Variants in NLGN1 observed in about 807,000 individuals in gnomAD.
NLGN1 encodes the protein neuroligin-1.
A neutral mutation model predicts 65.5 loss-of-function variants in NLGN1; 12 were observed. The observed-to-expected ratio is 0.18, with a 90% CI of 0.12 to 0.30. The LOEUF is 0.30. NLGN1 is among the 10% of genes least tolerant of loss of function. NLGN1 has a pLI of 1.00. For missense variants in NLGN1, 750 were observed against 1,007.1 expected, an observed-to-expected ratio of 0.74 and a Z score of 3.46; for synonymous variants, 350 against 359.5, an observed-to-expected ratio of 0.97 and a Z score of 0.30.
chr3:173,624,416 A>T (rs1560069192), intron 3 of NLGN1, among the ~76,000 whole-genome samples: 1 of 152,090 alleles, frequency 6.6e-6, no homozygotes. Flanking sequence ...AACAGTTTAA[A>T]TGCCATCTTT....
chr3:173,806,644 C>T (rs888850467), intron 3 of NLGN1, among the ~76,000 whole-genome samples: 2 of 151,888 alleles, frequency 1.3e-5, no homozygotes, highest in African/African-American at 4.8e-5. Flanking sequence ...CTATATAATA[C>T]GTAGATAGAA....
chr3:173,647,694 T>C (rs1320814408), intron 3 of NLGN1, among the ~76,000 whole-genome samples: 1 of 152,058 alleles, frequency 6.6e-6, no homozygotes, highest in Non-Finnish European at 1.5e-5. Context: ...AAAATTTATA[T>C]ACTAAACGCC....
chr3:173,570,931 T>A lies in NLGN1; in HGVS notation c.-320-33348T>A, dbSNP rs1744547050. Among the ~76,000 whole-genome samples, 6 of 152,260 alleles carry A rather than the reference T, an allele frequency of 3.9e-5. No homozygotes were observed. In the South Asian group the frequency reaches 1.2e-3, roughly 32 times the overall value. ...GTTGGTCAGGCTGGTCTCGAACTGC[T>A]GACCTCGTGATCCACCCGTCTCGGC... On this transcript the variant is annotated intron_variant, in intron 2 of 6. Coordinates refer to ENST00000457714, the Ensembl canonical transcript of NLGN1.
intron 4 of NLGN1, among the ~76,000 whole-genome samples, chr3:174,251,323 G>A (rs898771913): frequency 6.6e-6 from 1 of 152,154 alleles, no homozygotes; most frequent in Non-Finnish European, 1.5e-5. Flanking sequence ...GCCTGTTTAC[G>A]TTCAAATCTA....
At chr3:174,291,798 T>G in the NLGN1 span, among the ~76,000 whole-genome samples, 35 of 151,142 alleles carry the variant, frequency 2.3e-4, no homozygotes, top group African/African-American at 8.2e-4. Flanking sequence ...ATATAAGGAC[T>G]GATAATGGGC....
chr3:174,135,342 T>C (rs1721010663), intron 4 of NLGN1, among the ~76,000 whole-genome samples: 1 of 152,170 alleles, frequency 6.6e-6, no homozygotes, highest in Non-Finnish European at 1.5e-5. Context: ...TTGTTTTTGG[T>C]TACATCCTAA....
intron 3 of NLGN1, among the ~76,000 whole-genome samples, chr3:173,683,188 C>T (rs1428861321): frequency 6.6e-6 from 1 of 152,098 alleles, no homozygotes; most frequent in Admixed American, 6.6e-5. Context: ...TTATAAAATA[C>T]AGAGATCTAA....
At chr3:173,798,906 G>T in intron 3 of NLGN1, among the ~76,000 whole-genome samples, 1 of 151,740 alleles carries the variant, frequency 6.6e-6, no homozygotes, top group African/African-American at 2.4e-5. Context: ...TTCCCCCTCT[G>T]TTTTCTGGGA....
At chr3:174,158,794 A>G (rs1215303688) in intron 4 of NLGN1, among the ~76,000 whole-genome samples, 3 of 151,632 alleles carry the variant, frequency 2.0e-5, no homozygotes, top group Non-Finnish European at 1.5e-5. Context: ...TAATCAAACA[A>G]TCAAGGCTTA....
intron 4 of NLGN1, among the ~76,000 whole-genome samples, chr3:174,225,590 G>A (rs1364298901): frequency 6.6e-6 from 1 of 152,140 alleles, no homozygotes; most frequent in Non-Finnish European, 1.5e-5. Context: ...AATTCTCTGG[G>A]CGTGGTGGCG....
At chr3:173,786,358 T>C (rs1234002300) in intron 3 of NLGN1, among the ~76,000 whole-genome samples, 1 of 152,198 alleles carries the variant, frequency 6.6e-6, no homozygotes, top group Non-Finnish European at 1.5e-5. Context: ...GATCTTTCTG[T>C]GATCTTGTTC....
At chr3:174,210,194 TTTTA>T (rs1465047859) in intron 4 of NLGN1, among the ~76,000 whole-genome samples, 1 of 152,160 alleles carries the variant, frequency 6.6e-6, no homozygotes, top group African/African-American at 2.4e-5. Context: ...AAGCATCAGT[TTTTA>T]TTTGTCATAT....
At chr3:173,444,186 G>A (rs564093486) in intron 2 of NLGN1, among the ~76,000 whole-genome samples, 10 of 152,206 alleles carry the variant, frequency 6.6e-5, no homozygotes, top group African/African-American at 9.6e-5. Flanking sequence ...CTTAAACATC[G>A]TTTTAAAAAG....
At chr3:173,598,641 T>A (rs2149425916) in intron 2 of NLGN1, among the ~76,000 whole-genome samples, 1 of 152,300 alleles carries the variant, frequency 6.6e-6, no homozygotes, top group African/African-American at 2.4e-5. Flanking sequence ...ATTTCAATCT[T>A]ATCCAATGCT....
At position 173,687,821 on chromosome 3, in the gene NLGN1, A is replaced by G. The variant is rs76453190; in HGVS notation, c.493+82730A>G. ...GCTAGCAAGTATTTCCAGACAATCA[A>G]TGAAAGAGCCTCCCAAATTAAAAAG... On this transcript the variant is annotated intron_variant, in intron 3 of 6. Coordinates refer to ENST00000457714, the Ensembl canonical transcript of NLGN1. Among the ~76,000 whole-genome samples, 24 of 152,332 alleles carry G rather than the reference A, an allele frequency of 1.6e-4. No homozygotes were observed. The East Asian group carries it at 4.1e-3, about 26-fold the overall frequency.
chr3:173,530,833 A>G (rs1736447663), intron 2 of NLGN1, among the ~76,000 whole-genome samples: 1 of 152,036 alleles, frequency 6.6e-6, no homozygotes, highest in Non-Finnish European at 1.5e-5. Context: ...CATTTAGTTT[A>G]TAATTATATT....
In NLGN1 at chr3:174,035,832, G is replaced by T. The variant is rs932064210; in HGVS notation, c.646+228000G>T. On this transcript the variant is annotated intron_variant, in intron 4 of 6. Transcript: ENST00000457714. ...ACTGCCTGAAGAAATCCAGGTGCTG[G>T]CAAGTCTAGATCCTATTATATAGGA... is the stretch of plus-strand genomic sequence containing the variant. Among the ~76,000 whole-genome samples, 13 of 152,092 alleles carry T rather than the reference G, an allele frequency of 8.5e-5. 3 individuals are homozygous for T. Among genetic ancestry groups the T allele is most frequent in the East Asian group, 3.9e-4 (2 of 5,164 alleles).
chr3:173,903,164 A>G (rs1011768381), intron 4 of NLGN1, among the ~76,000 whole-genome samples: 2 of 152,124 alleles, frequency 1.3e-5, no homozygotes, highest in Admixed American at 1.3e-4. Flanking sequence ...CTGGGGAAAA[A>G]GGGATAGCAT....
chr3:173,447,380 C>A (rs902891664), intron 2 of NLGN1, among the ~76,000 whole-genome samples: 1 of 152,056 alleles, frequency 6.6e-6, no homozygotes, highest in Non-Finnish European at 1.5e-5. Flanking sequence ...GTTGTAGATA[C>A]ATGGCATTAT....
Sources: gnomAD v4.1 joint callset for allele counts (sites outside exome capture counted in the v4.1 genomes callset) on GRCh38, gnomAD v4.1.1 for gene constraint, MANE v1.5 for transcripts, NCBI Gene and HGNC (gene_info 2026-07-23, HGNC 2026-07-21) for gene names.